Variants in SUSD5 observed in about 807,000 individuals in gnomAD.
SUSD5 encodes the protein sushi domain containing 5, also known as sushi domain-containing protein 5.
SUSD5 carries 33 observed loss-of-function variants against 29.5 expected under a neutral mutation model. That is an observed-to-expected ratio of 1.12 (90% confidence interval 0.85 to 1.49). The LOEUF is 1.49. Ranked by LOEUF, SUSD5 falls within the 40% of genes most tolerant of loss-of-function variation. The pLI, the probability that SUSD5 is intolerant of heterozygous loss-of-function variation, is 0.00. For missense variants in SUSD5, 776 were observed against 800.6 expected, an observed-to-expected ratio of 0.97 and a Z score of 0.37; for synonymous variants, 308 against 325.3, an observed-to-expected ratio of 0.95 and a Z score of 0.57.
Position 33,153,050 on chromosome 3 carries a change from C to T in SUSD5, c.1582G>A (p.Glu528Lys). 1 of 1,613,810 alleles carries T rather than the reference C, an allele frequency of 6.2e-7. No homozygotes were observed. Among genetic ancestry groups the T allele is most frequent in the South Asian group, 1.1e-5 (1 of 91,062 alleles). The change falls in exon 5 of 5, where the codon GAG (glutamate) becomes AAG (lysine). Residue 528 changes from glutamate to lysine, a missense_variant. Glu to Lys is a moderately conservative substitution (Grantham distance 56). Coordinates refer to ENST00000309558, the MANE Select transcript of SUSD5 (RefSeq NM_015551.2). ...AGGTATGGGAAGCTATCCTGGATCT[C>T]AGGAACAGTGGTTTCTACTGGAGGC... ...TQPPVETTVP[E>K]IQDSFPYLLS...
At chr3:33,191,034 C>T (rs1006448807) in intron 3 of SUSD5, among the ~76,000 whole-genome samples, 1 of 152,156 alleles carries the variant, frequency 6.6e-6, no homozygotes. Flanking sequence ...CCTCTTCACC[C>T]TCTTCATAGA....
At chr3:33,205,039 ATG>A (rs1436616486) in intron 3 of SUSD5, among the ~76,000 whole-genome samples, 1 of 152,018 alleles carries the variant, frequency 6.6e-6, no homozygotes, top group East Asian at 1.9e-4. Context: ...ATATGTATAT[ATG>A]TGTATCTATA....
At chr3:33,194,644 C>T (rs1559453749) in intron 3 of SUSD5, among the ~76,000 whole-genome samples, 1 of 152,072 alleles carries the variant, frequency 6.6e-6, no homozygotes, top group Non-Finnish European at 1.5e-5. Flanking sequence ...AGAGAAACTA[C>T]CAGTAGCCTT....
chr3:33,186,155 A>G lies in SUSD5; in HGVS notation c.410-11081T>C, dbSNP rs973290602. 2.0e-5 allele frequency among the ~76,000 whole-genome samples: 3 copies of G among 152,080 alleles called. No homozygotes were observed. The East Asian group carries it at 5.9e-4, about 30-fold the overall frequency. Reference sequence around the variant, plus strand: ...TGTCTCTACTAAAATACAAAAAATTAGCTGGGCGTGGTGGCAGGCGCCTGT... The same window carrying G: ...TGTCTCTACTAAAATACAAAAAATTGGCTGGGCGTGGTGGCAGGCGCCTGT... On this transcript the variant is annotated intron_variant, in intron 3 of 4. Coordinates refer to ENST00000309558, the MANE Select transcript of SUSD5 (RefSeq NM_015551.2).
intron 4 of SUSD5, among the ~76,000 whole-genome samples, chr3:33,160,392 TAAA>T (rs71991629): frequency 8.6e-4 from 123 of 142,388 alleles, no homozygotes; most frequent in African/African-American, 2.1e-3. Context: ...CTTCATCTCT[TAAA>T]AAAAAAAAAA....
intron 4 of SUSD5, among the ~76,000 whole-genome samples, chr3:33,161,668 G>C (rs1473105973): frequency 1.3e-5 from 2 of 151,762 alleles, no homozygotes; most frequent in East Asian, 1.9e-4. Context: ...GAAAGTAAAA[G>C]AATTAAAAAA....
chr3:33,179,480 C>A (rs185269292), intron 3 of SUSD5, among the ~76,000 whole-genome samples: 106 of 152,232 alleles, frequency 7.0e-4, no homozygotes, highest in African/African-American at 2.5e-3. Context: ...TGTTGAGCTT[C>A]TTGTTGGCCT....
intron 4 of SUSD5, among the ~76,000 whole-genome samples, chr3:33,157,501 T>C (rs1264791904): frequency 6.6e-6 from 1 of 152,206 alleles, no homozygotes; most frequent in African/African-American, 2.4e-5. Flanking sequence ...GGTGGTTAGA[T>C]TGCTTGTGCA....
intron 3 of SUSD5, among the ~76,000 whole-genome samples, chr3:33,198,401 T>C (rs1350491590): frequency 6.6e-6 from 1 of 152,216 alleles, no homozygotes; most frequent in Non-Finnish European, 1.5e-5. Flanking sequence ...CAGGTGTTGT[T>C]TCCTTTGAGA....
chr3:33,202,829 T>C (rs1235108358), intron 3 of SUSD5, among the ~76,000 whole-genome samples: 1 of 152,200 alleles, frequency 6.6e-6, no homozygotes. Context: ...AAAGTCTACA[T>C]TCACGATGAA....
intron 4 of SUSD5, among the ~76,000 whole-genome samples, chr3:33,161,435 C>T (rs1255330395): frequency 3.3e-5 from 5 of 150,342 alleles, no homozygotes; most frequent in Admixed American, 2.7e-4. Flanking sequence ...TTAATTGCTT[C>T]GAAAGAAGGC....
At chr3:33,208,251 G>T (rs1318439393) in intron 2 of SUSD5, among the ~76,000 whole-genome samples, 1 of 151,778 alleles carries the variant, frequency 6.6e-6, no homozygotes, top group Non-Finnish European at 1.5e-5. Context: ...AATTTCTTTA[G>T]CTCTTTAGTT....
intron 1 of SUSD5, among the ~76,000 whole-genome samples, chr3:33,217,624 G>C (rs1390970856): frequency 6.6e-6 from 1 of 151,712 alleles, no homozygotes; most frequent in Non-Finnish European, 1.5e-5. Context: ...TTAAAACAGA[G>C]AGCACTAAAA....
At chr3:33,154,874 T>C (rs1181038029) in intron 4 of SUSD5, among the ~76,000 whole-genome samples, 1 of 152,188 alleles carries the variant, frequency 6.6e-6, no homozygotes, top group African/African-American at 2.4e-5. Flanking sequence ...ACAGATCTAA[T>C]ACAATTCCAA....
chr3:33,190,934 C>T (rs2031878339), intron 3 of SUSD5, among the ~76,000 whole-genome samples: 2 of 152,122 alleles, frequency 1.3e-5, no homozygotes, highest in Admixed American at 6.5e-5. Flanking sequence ...TACATTCCCC[C>T]ACCCCAGCCC....
rs2031329639 is a variant in SUSD5 at position 33,167,471 on chromosome 3, G to C, written c.598+7415C>G. On this transcript the variant is annotated intron_variant, in intron 4 of 4. Coordinates refer to ENST00000309558, the MANE Select transcript of SUSD5 (RefSeq NM_015551.2). The surrounding 1 kb of genome is among the most constrained non-coding windows in gnomAD (Gnocchi z 4.1). ...CATGTGATTGTGTGTGTATGTGTGT[G>C]TGTGTCTCTGTATGGGTGTCTAAGG... Among the ~76,000 whole-genome samples, 2 of 152,086 alleles carry C rather than the reference G, an allele frequency of 1.3e-5. No homozygotes were observed. Among genetic ancestry groups the C allele is most frequent in the South Asian group, 4.1e-4 (2 of 4,824 alleles).
chr3:33,217,140 A>G (rs2032440346), intron 1 of SUSD5, among the ~76,000 whole-genome samples: 1 of 152,204 alleles, frequency 6.6e-6, no homozygotes. Flanking sequence ...AACAGTTATA[A>G]TGGGATGAAA....
At chr3:33,182,285 A>G (rs1393671296) in intron 3 of SUSD5, among the ~76,000 whole-genome samples, 1 of 152,198 alleles carries the variant, frequency 6.6e-6, no homozygotes, top group Non-Finnish European at 1.5e-5. Flanking sequence ...GTGGTCTGAG[A>G]GCAGACATCA....
chr3:33,209,508 T>C (rs2032283142), intron 2 of SUSD5, among the ~76,000 whole-genome samples: 1 of 152,056 alleles, frequency 6.6e-6, no homozygotes, highest in Non-Finnish European at 1.5e-5. Context: ...TATTTTCCAG[T>C]TCACTAATCC....
Sources: allele counts gnomAD v4.1 joint callset (sites outside exome capture counted in the v4.1 genomes callset), GRCh38; gene constraint gnomAD v4.1.1; non-coding constraint Gnocchi (gnomAD v3.1); transcripts MANE v1.5; gene names NCBI Gene and HGNC (gene_info 2026-07-23, HGNC 2026-07-21).